PLCG2: variants seen among roughly 807,000 people sequenced by gnomAD.
PLCG2 encodes 1-phosphatidylinositol 4,5-bisphosphate phosphodiesterase gamma-2.
Under a neutral mutation model 175.6 loss-of-function variants are expected in PLCG2, and 69 were observed. The observed-to-expected ratio is 0.39, with a 90% CI of 0.32 to 0.48. The LOEUF is 0.48. PLCG2 is among the 20% of genes least tolerant of loss of function. The pLI is 0.91. For missense variants in PLCG2, 1,798 were observed against 1,650.9 expected (o/e 1.09, Z -1.54); for synonymous variants, 827 against 624.0 (o/e 1.33, Z -4.85).
chr16:81,781,718 G>C (rs978869934), intron 1 of PLCG2, among the ~76,000 whole-genome samples: 1 of 152,202 alleles, frequency 6.6e-6, no homozygotes. Flanking sequence ...TACCACTCAA[G>C]TATTTGCCTG....
intron 1 of PLCG2, among the ~76,000 whole-genome samples, chr16:81,748,432 G>A (rs1461182293): frequency 6.6e-6 from 1 of 151,826 alleles, no homozygotes; most frequent in Non-Finnish European, 1.5e-5. Context: ...AAAGAAAGGT[G>A]CAGAGCAGAG....
chr16:81,824,814 A>T (rs1904974568), intron 2 of PLCG2, among the ~76,000 whole-genome samples: 2 of 152,178 alleles, frequency 1.3e-5, no homozygotes, highest in South Asian at 4.1e-4. Flanking sequence ...ACCTGTGGAT[A>T]TGTTACATTA....
chr16:81,812,784 T>C (rs1904373952), intron 2 of PLCG2, among the ~76,000 whole-genome samples: 1 of 152,228 alleles, frequency 6.6e-6, no homozygotes. Context: ...CTAGGTTTTT[T>C]TCTAGGGTTT....
chr16:81,788,615 A>G (rs961591439), intron 2 of PLCG2, among the ~76,000 whole-genome samples: 12 of 152,160 alleles, frequency 7.9e-5, no homozygotes, highest in African/African-American at 2.7e-4. Context: ...ACCCTCATCT[A>G]TGCTGCGTGG....
At chr16:81,837,644 T>C (rs1905589895) in intron 2 of PLCG2, among the ~76,000 whole-genome samples, 1 of 151,566 alleles carries the variant, frequency 6.6e-6, no homozygotes, top group African/African-American at 2.4e-5. Context: ...CTTTCCGTCT[T>C]CCTGATTATG....
chr16:81,836,473 A>G (rs1905523066), intron 2 of PLCG2, among the ~76,000 whole-genome samples: 1 of 152,042 alleles, frequency 6.6e-6, no homozygotes, highest in South Asian at 2.1e-4. Flanking sequence ...GGGCAAGGTG[A>G]CTCATGCCTG....
chr16:81,816,413 A>G (rs1313128628), intron 2 of PLCG2, among the ~76,000 whole-genome samples: 2 of 152,090 alleles, frequency 1.3e-5, no homozygotes, highest in Non-Finnish European at 2.9e-5. Context: ...ACTATCTGGC[A>G]TATCCTATTT....
chr16:81,793,561 T>A (rs1911333319), intron 2 of PLCG2, among the ~76,000 whole-genome samples: 1 of 152,200 alleles, frequency 6.6e-6, no homozygotes, highest in Non-Finnish European at 1.5e-5. Context: ...TGCTTAGGCA[T>A]ATCTTCTCTG....
intron 2 of PLCG2, among the ~76,000 whole-genome samples, chr16:81,842,485 A>G (rs558650948): frequency 5.9e-5 from 9 of 152,310 alleles, no homozygotes; most frequent in African/African-American, 2.2e-4. Context: ...GGTTGACTGA[A>G]TAACTGAAAG....
chr16:81,909,458 C>T (rs1909522490), intron 17 of PLCG2, among the ~76,000 whole-genome samples: 1 of 152,184 alleles, frequency 6.6e-6, no homozygotes, highest in African/African-American at 2.4e-5. Context: ...TGCTCTGTTG[C>T]CTAGGCTGTA....
rs186665909 is a variant in PLCG2 at position 81,864,309 on chromosome 16, C to G, written c.480-4905C>G. Reference sequence around the variant, plus strand: ...GGCTGCGCTGTCCAGCAGGGCACCCCTCACCACAGGTGGCCATTTCAACAA... The same window carrying G: ...GGCTGCGCTGTCCAGCAGGGCACCCGTCACCACAGGTGGCCATTTCAACAA... On this transcript the variant is annotated intron_variant, in intron 5 of 32. Transcript: ENST00000564138. 1.1e-4 allele frequency among the ~76,000 whole-genome samples: 17 copies of G among 152,306 alleles called. 1 individual carries two copies. Among genetic ancestry groups the G allele is most frequent in the African/African-American group, 4.1e-4 (17 of 41,554 alleles).
At position 81,919,477 on chromosome 16, in the gene PLCG2, G is replaced by C. The variant is rs373933998; in HGVS notation, c.2055-7G>C. On this transcript the variant is annotated splice_polypyrimidine_tract_variant and splice_region_variant and intron_variant, in intron 19 of 32. Coordinates refer to ENST00000564138, the MANE Select transcript of PLCG2 (RefSeq NM_002661.5). ...GGCATGTCAACCCTGTGTTCTTCCTGCTCCAGGGCTAGGGGCAAGGTAAAG... is the reference window on the plus strand; with the variant it reads ...GGCATGTCAACCCTGTGTTCTTCCTCCTCCAGGGCTAGGGGCAAGGTAAAG... 5.0e-6 allele frequency: 8 copies of C among 1,610,778 alleles called. No individual in the cohort carries two copies. The highest frequency in any genetic ancestry group is 1.1e-5 in the South Asian group (1 of 90,950).
intron 1 of PLCG2, among the ~76,000 whole-genome samples, chr16:81,743,250 C>T (rs1341674371): frequency 6.6e-6 from 1 of 152,214 alleles, no homozygotes; most frequent in Non-Finnish European, 1.5e-5. Context: ...ACTAGCGAGG[C>T]TAAGGTGGGA....
rs554596146 is a variant in PLCG2 at position 81,788,751 on chromosome 16, G to T, written c.193+2569G>T. On this transcript the variant is annotated intron_variant, in intron 2 of 32. Coordinates refer to ENST00000564138, the MANE Select transcript of PLCG2 (RefSeq NM_002661.5). Reference sequence around the variant, plus strand: ...CTTTTCCTGGTTTTGGAGCCCAGTGGGTCTCTTGTGGCACAGAGCCAGAGC... The same window carrying T: ...CTTTTCCTGGTTTTGGAGCCCAGTGTGTCTCTTGTGGCACAGAGCCAGAGC... Among the ~76,000 whole-genome samples, 28 of 152,304 alleles carry T rather than the reference G, an allele frequency of 1.8e-4. 1 individual carries two copies. In the South Asian group the frequency reaches 5.8e-3, roughly 32 times the overall value.
At chr16:81,744,862 A>G (rs940935688) in intron 1 of PLCG2, among the ~76,000 whole-genome samples, 1 of 152,174 alleles carries the variant, frequency 6.6e-6, no homozygotes, top group African/African-American at 2.4e-5. Flanking sequence ...TACTGCTCCC[A>G]GCCCAGGAAT....
At chr16:81,816,002 C>T (rs541175023) in intron 2 of PLCG2, among the ~76,000 whole-genome samples, 2 of 150,344 alleles carry the variant, frequency 1.3e-5, no homozygotes, top group Admixed American at 6.7e-5. Context: ...GTGGAGGTTG[C>T]GGTGAGCCGA....
chr16:81,761,685 C>G (rs143731256), intron 2 of PLCG2, among the ~76,000 whole-genome samples: 1 of 152,190 alleles, frequency 6.6e-6, no homozygotes, highest in Admixed American at 6.5e-5. Context: ...AGAACCATAT[C>G]TAGCTCATTG....
At chr16:81,799,123 C>G (rs1024168673) in intron 2 of PLCG2, 2 of 152,238 alleles carry the variant, frequency 1.3e-5, no homozygotes, top group Non-Finnish European at 2.9e-5. Context: ...CATATTTCTC[C>G]TAATTAAAAC....
intron 31 of PLCG2, among the ~76,000 whole-genome samples, chr16:81,947,019 C>G (rs1397795943): frequency 6.6e-6 from 1 of 152,210 alleles, no homozygotes; most frequent in South Asian, 2.1e-4. Flanking sequence ...ACATAAAACC[C>G]CTCCGCAGAC....
Sources: gnomAD v4.1 joint callset for allele counts (sites outside exome capture counted in the v4.1 genomes callset) on GRCh38, gnomAD v4.1.1 for gene constraint, MANE v1.5 for transcripts, NCBI Gene and HGNC (gene_info 2026-07-23, HGNC 2026-07-21) for gene names.